Variants in LRBA observed in about 807,000 individuals in gnomAD.
The protein encoded by LRBA is lipopolysaccharide-responsive and beige-like anchor protein.
Under a neutral mutation model 330.0 loss-of-function variants are expected in LRBA, and 176 were observed. That is an observed-to-expected ratio of 0.53 (90% confidence interval 0.47 to 0.60). The LOEUF (loss-of-function observed/expected upper bound fraction) is 0.60, where lower values mean the gene tolerates loss of function less well. Ranked by LOEUF, LRBA falls within the 20% of genes least tolerant of loss-of-function variation. LRBA has a pLI of 0.00. For missense variants in LRBA, 3,259 were observed against 3,444.8 expected, an observed-to-expected ratio of 0.95 and a Z score of 1.35; for synonymous variants, 1,230 against 1,193.0, an observed-to-expected ratio of 1.03 and a Z score of -0.64.
chr4:150,869,458 G>A (rs1419778466), intron 20 of LRBA, among the ~76,000 whole-genome samples: 1 of 152,070 alleles, frequency 6.6e-6, no homozygotes, highest in East Asian at 1.9e-4. Flanking sequence ...GGAGGCTGAG[G>A]CAGTTGGATA....
chr4:150,571,672 T>TTTG (rs1769875810), intron 40 of LRBA, among the ~76,000 whole-genome samples: 1 of 145,608 alleles, frequency 6.9e-6, no homozygotes, highest in African/African-American at 2.6e-5. Flanking sequence ...TTTTTTTTTT[T>TTTG]TTGAGAAATT....
In LRBA at chr4:150,488,416, T is replaced by C. The variant is rs568772571; in HGVS notation, c.6449-582A>G. Among the ~76,000 whole-genome samples, 7 of 151,756 alleles carry C rather than the reference T, an allele frequency of 4.6e-5. No homozygotes were observed. In the South Asian group the frequency reaches 1.5e-3, roughly 31 times the overall value. ...CAAATGTTCATATAATCCAAAACAA[T>C]GTGTGATCTGAAGGAACATTTTTCC... On this transcript the variant is annotated intron_variant, in intron 41 of 56. Transcript: ENST00000651943.
chr4:150,656,207 T>C (rs1041575558), intron 37 of LRBA, among the ~76,000 whole-genome samples: 1 of 152,260 alleles, frequency 6.6e-6, no homozygotes. Context: ...TGGTGTTGCT[T>C]TCATTTTGTT....
intron 27 of LRBA, 71 bp from the exon 28 acceptor site, chr4:150,844,278 T>C (rs1483580401): frequency 1.8e-5 from 14 of 783,642 alleles, no homozygotes; most frequent in East Asian, 2.9e-5. Context: ...TCTTTAAAAA[T>C]AAACACAGTA....
intron 40 of LRBA, chr4:150,581,232 A>T: frequency 2.9e-6 from 1 of 347,650 alleles, no homozygotes; most frequent in Non-Finnish European, 5.7e-6. Context: ...AATAATTATC[A>T]AACAAGGTGC....
chr4:150,515,357 A>ACCAC (rs1762226453), intron 40 of LRBA, among the ~76,000 whole-genome samples: 2 of 152,188 alleles, frequency 1.3e-5, no homozygotes, highest in South Asian at 4.1e-4. Flanking sequence ...AAATTCAGGA[A>ACCAC]CCACCACTAA....
intron 37 of LRBA, among the ~76,000 whole-genome samples, chr4:150,658,359 C>CAAA (rs773218827): frequency 2.0e-5 from 2 of 100,040 alleles, no homozygotes; most frequent in South Asian, 3.3e-4. Context: ...GTCTGCAAGC[C>CAAA]AAAAAAAAAA....
chr4:150,515,581 A>C (rs1226322438), intron 40 of LRBA, among the ~76,000 whole-genome samples: 3 of 152,160 alleles, frequency 2.0e-5, no homozygotes, highest in African/African-American at 7.2e-5. Flanking sequence ...AATTATTATT[A>C]CAATAATAAT....
intron 37 of LRBA, among the ~76,000 whole-genome samples, chr4:150,622,929 C>T (rs1300329850): frequency 2.0e-5 from 3 of 151,954 alleles, no homozygotes; most frequent in Non-Finnish European, 4.4e-5. Context: ...GATCTCCTGA[C>T]CTCGTGATCC....
chr4:150,471,216 T>C (rs1016386945), intron 43 of LRBA, among the ~76,000 whole-genome samples: 1 of 152,224 alleles, frequency 6.6e-6, no homozygotes, highest in Non-Finnish European at 1.5e-5. Context: ...TGTTTGCTTA[T>C]GCTTTCAGTC....
chr4:150,485,579 A>G (rs1039415180), intron 42 of LRBA, among the ~76,000 whole-genome samples: 1 of 151,892 alleles, frequency 6.6e-6, no homozygotes, highest in African/African-American at 2.4e-5. Flanking sequence ...AGACATACAC[A>G]GGGGGAAAAC....
intron 5 of LRBA, among the ~76,000 whole-genome samples, chr4:150,916,995 T>C (rs953299037): frequency 6.6e-5 from 10 of 151,904 alleles, no homozygotes; most frequent in African/African-American, 2.4e-4. Context: ...CTACTAAAAA[T>C]ACAAAAAATT....
chr4:150,275,827 A>G (rs1474121783), intron 56 of LRBA, among the ~76,000 whole-genome samples: 1 of 152,256 alleles, frequency 6.6e-6, no homozygotes, highest in Non-Finnish European at 1.5e-5. Context: ...AGGAAGAATC[A>G]ATATTGTGAA....
chr4:150,898,043 A>G (rs957155424), intron 14 of LRBA, among the ~76,000 whole-genome samples: 5 of 152,084 alleles, frequency 3.3e-5, no homozygotes, highest in African/African-American at 1.2e-4. Flanking sequence ...TGAAACTACT[A>G]TGAAGAAGTT....
intron 47 of LRBA, among the ~76,000 whole-genome samples, chr4:150,369,045 C>T (rs1739886941): frequency 6.6e-6 from 1 of 151,584 alleles, no homozygotes; most frequent in Non-Finnish European, 1.5e-5. Flanking sequence ...ATAAATGAAC[C>T]TTGAGTCAGA....
At chr4:150,283,523 C>T (rs1351596813) in intron 54 of LRBA, among the ~76,000 whole-genome samples, 1 of 152,224 alleles carries the variant, frequency 6.6e-6, no homozygotes, top group Non-Finnish European at 1.5e-5. Context: ...GGCTAAATTA[C>T]TCATGGCCAC....
At chr4:150,502,091 A>C (rs1373637759) in intron 40 of LRBA, among the ~76,000 whole-genome samples, 1 of 152,234 alleles carries the variant, frequency 6.6e-6, no homozygotes, top group Admixed American at 6.5e-5. Flanking sequence ...ACAGAGCTCC[A>C]GAGATCTGCA....
At chr4:150,553,276 T>C (rs567397355) in intron 40 of LRBA, among the ~76,000 whole-genome samples, 50 of 151,670 alleles carry the variant, frequency 3.3e-4, no homozygotes, top group African/African-American at 8.2e-4. Flanking sequence ...ATGAGAACAC[T>C]TGGACACAGG....
At chr4:150,846,210 A>G (rs978338150) in intron 26 of LRBA, among the ~76,000 whole-genome samples, 1 of 152,126 alleles carries the variant, frequency 6.6e-6, no homozygotes. Context: ...GTGTGTACAC[A>G]TGGAAGTAGA....
Sources: allele counts gnomAD v4.1 joint callset (sites outside exome capture counted in the v4.1 genomes callset), GRCh38; gene constraint gnomAD v4.1.1; transcripts MANE v1.5; gene names NCBI Gene and HGNC (gene_info 2026-07-23, HGNC 2026-07-21).